The following YPEL2 variants were observed in gnomAD, a reference collection of about 807,000 sequenced individuals.
YPEL2 encodes yippee like 2.
Under a neutral mutation model 19.1 loss-of-function variants are expected in YPEL2, and 2 were observed. That is an observed-to-expected ratio of 0.10 (90% CI 0.04 to 0.33). YPEL2 has a LOEUF of 0.33. YPEL2 is among the 10% of genes least tolerant of loss of function. The pLI is 1.00. For missense variants in YPEL2, 66 were observed against 140.7 expected, an observed-to-expected ratio of 0.47 and a Z score of 2.68; for synonymous variants, 52 against 50.0, an observed-to-expected ratio of 1.04 and a Z score of -0.17.
At chr17:59,393,477 T>C (rs976073605) in intron 4 of YPEL2, among the ~76,000 whole-genome samples, 2 of 150,264 alleles carry the variant, frequency 1.3e-5, no homozygotes, top group Non-Finnish European at 3.0e-5. Context: ...TCTTTTTTTT[T>C]ATTTTTATTT....
chr17:59,358,698 C>T (rs527823969), intron 2 of YPEL2, among the ~76,000 whole-genome samples: 1 of 152,190 alleles, frequency 6.6e-6, no homozygotes, highest in East Asian at 1.9e-4. Context: ...CAACCTCTGC[C>T]TCCCAGGTTC....
At chr17:59,373,571 C>A (rs117655863) in intron 2 of YPEL2, among the ~76,000 whole-genome samples, 3 of 152,206 alleles carry the variant, frequency 2.0e-5, no homozygotes, top group Non-Finnish European at 2.9e-5. Context: ...TATATACTCT[C>A]TGCGGTGCCC....
chr17:59,353,168 G>T lies in YPEL2; in HGVS notation c.-195-47G>T, dbSNP rs1413720187. The T allele has an allele frequency of 5.2e-6, 2 of 386,160 alleles. No homozygotes were observed. The highest frequency in any genetic ancestry group is 8.9e-5 in the East Asian group (2 of 22,426). 23.9% of individuals were successfully genotyped at this position (386,160 alleles called of 1,614,324 possible). A position where few individuals can be genotyped will look rare whatever the true frequency, so the allele number is the denominator to read the frequency against. On this transcript the variant is annotated intron_variant, in intron 1 of 4. Coordinates refer to ENST00000312655, the MANE Select transcript of YPEL2 (RefSeq NM_001005404.4). The surrounding 1 kb of genome is among the most constrained non-coding windows in gnomAD (Gnocchi z 4.8). Reference sequence around the variant, plus strand: ...TTGGATTCTGCTTGCTTTGTAGGGAGCCCTGCTCCATCAGCCAATGTTAGT... The same window carrying T: ...TTGGATTCTGCTTGCTTTGTAGGGATCCCTGCTCCATCAGCCAATGTTAGT...
intron 4 of YPEL2, among the ~76,000 whole-genome samples, chr17:59,394,201 A>G (rs774320937): frequency 1.3e-5 from 2 of 149,384 alleles, no homozygotes; most frequent in Non-Finnish European, 3.0e-5. Flanking sequence ...GCTGACCCCC[A>G]CCTCCCTCCC....
At chr17:59,339,788 T>C (rs2047718510) in intron 1 of YPEL2, among the ~76,000 whole-genome samples, 1 of 152,140 alleles carries the variant, frequency 6.6e-6, no homozygotes, top group African/African-American at 2.4e-5. Flanking sequence ...GCAGGGGTCA[T>C]CATCATAATG....
At chr17:59,395,923 A>C (rs921365825) in intron 4 of YPEL2, among the ~76,000 whole-genome samples, 3 of 152,004 alleles carry the variant, frequency 2.0e-5, no homozygotes, top group Non-Finnish European at 4.4e-5. Flanking sequence ...CTGAAAATAC[A>C]AAAAAAATTT....
intron 2 of YPEL2, among the ~76,000 whole-genome samples, chr17:59,372,150 T>G (rs2047900117): frequency 6.6e-6 from 1 of 152,226 alleles, no homozygotes. Flanking sequence ...AAGTTGGTCT[T>G]GAGTGTCCAG....
chr17:59,374,645 A>G (rs1393358330), intron 2 of YPEL2, among the ~76,000 whole-genome samples: 4 of 152,214 alleles, frequency 2.6e-5, no homozygotes, highest in Admixed American at 2.6e-4. Context: ...GGAAGTGTCT[A>G]GGGAACACCT....
intron 1 of YPEL2, among the ~76,000 whole-genome samples, chr17:59,344,347 G>A (rs2047745833): frequency 1.3e-5 from 2 of 152,178 alleles, no homozygotes; most frequent in Admixed American, 1.3e-4. Flanking sequence ...AGAACAGCCG[G>A]GGAGATTGAG....
rs1206783537 is a variant in YPEL2, at chr17:59,384,826, G to A, written c.118-3501G>A. On this transcript the variant is annotated intron_variant, in intron 2 of 4. Transcript: ENST00000312655. ...TGTCTGGCAGAGAGTCAGTGATCTA[G>A]GAGTGAGAAAGAAGTGAATGCATTC... Among the ~76,000 whole-genome samples, 5 of 152,168 alleles carry A rather than the reference G, an allele frequency of 3.3e-5. No individual in the cohort carries two copies. The East Asian group carries it at 9.6e-4, about 29-fold the overall frequency.
chr17:59,347,955 G>C (rs1229314041), intron 1 of YPEL2, among the ~76,000 whole-genome samples: 1 of 151,890 alleles, frequency 6.6e-6, no homozygotes, highest in Non-Finnish European at 1.5e-5. Context: ...AGCAGCATCT[G>C]TTTTTCTCCC....
intron 2 of YPEL2, among the ~76,000 whole-genome samples, chr17:59,382,198 C>T (rs2047952847): frequency 6.6e-6 from 1 of 152,254 alleles, no homozygotes; most frequent in African/African-American, 2.4e-5. Context: ...ATAGATACTG[C>T]TCCTCAAGGG....
intron 1 of YPEL2, among the ~76,000 whole-genome samples, chr17:59,352,279 G>A (rs925257804): frequency 2.0e-5 from 3 of 152,200 alleles, no homozygotes; most frequent in Non-Finnish European, 4.4e-5. Context: ...CCTTAGGCAG[G>A]TGAGCCACAG....
chr17:59,350,523 T>A (rs1189799146), intron 1 of YPEL2, among the ~76,000 whole-genome samples: 1 of 152,128 alleles, frequency 6.6e-6, no homozygotes, highest in Non-Finnish European at 1.5e-5. Flanking sequence ...GGCCATTGCT[T>A]ATATGGTAGA....
Position 59,334,571 on chromosome 17 carries a change from A to AACACACACACAC in YPEL2, c.-196+2772_-196+2783dup, listed in dbSNP as rs35386954. 7.1e-3 allele frequency among the ~76,000 whole-genome samples: 1,038 copies of AACACACACACAC among 145,214 alleles called. 14 individuals carry two copies. Among genetic ancestry groups the AACACACACACAC allele is most frequent in the African/African-American group, 0.025 (988 of 39,096 alleles). On this transcript the variant is annotated intron_variant, in intron 1 of 4. Coordinates refer to ENST00000312655, the MANE Select transcript of YPEL2 (RefSeq NM_001005404.4). ...ATGCTGTTATCTGCCTTCAGGCACA[A>AACACACACACAC]ACACACACACACACACACACACACA...
intron 3 of YPEL2, 75 bp downstream of exon 3, chr17:59,388,445 A>G (rs1195969149): frequency 2.1e-6 from 3 of 1,451,072 alleles, no homozygotes; most frequent in Non-Finnish European, 1.9e-6. Context: ...CTTGGTGATA[A>G]TTAAACAATG....
chr17:59,340,657 C>T (rs141148546), intron 1 of YPEL2, among the ~76,000 whole-genome samples: 6,679 of 151,790 alleles, frequency 0.044, 513 homozygotes, highest in African/African-American at 0.15. Flanking sequence ...CCTTGTGATC[C>T]GCCCACCTCG....
chr17:59,335,308 C>T (rs926070825), intron 1 of YPEL2, among the ~76,000 whole-genome samples: 2 of 152,102 alleles, frequency 1.3e-5, no homozygotes, highest in African/African-American at 2.4e-5. Context: ...ATTCTCTTGT[C>T]GCCAATTTGC....
intron 4 of YPEL2, among the ~76,000 whole-genome samples, chr17:59,390,690 G>A (rs2048003291): frequency 6.6e-6 from 1 of 152,224 alleles, no homozygotes; most frequent in Admixed American, 6.5e-5. Context: ...AGTGAGAGGA[G>A]GGAAGGGCTG....
Sources: gnomAD v4.1 joint callset for allele counts (sites outside exome capture counted in the v4.1 genomes callset) on GRCh38, gnomAD v4.1.1 for gene constraint, Gnocchi (gnomAD v3.1) non-coding constraint, MANE v1.5 for transcripts, NCBI Gene and HGNC (gene_info 2026-07-23, HGNC 2026-07-21) for gene names.